The following RPS6KA2 variants were observed in gnomAD, a reference collection of about 807,000 sequenced individuals.
The protein encoded by RPS6KA2 is ribosomal protein S6 kinase alpha-2.
Under a neutral mutation model 91.8 loss-of-function variants are expected in RPS6KA2, and 42 were observed. The ratio of observed to expected loss-of-function variants is 0.46; its 90% CI spans 0.36 to 0.59. The LOEUF (loss-of-function observed/expected upper bound fraction) is 0.59, where lower values mean the gene tolerates loss of function less well. Among genes scored for constraint, RPS6KA2 ranks in the 20% least tolerant of loss-of-function variants. RPS6KA2 has a pLI of 0.00. For synonymous variants in RPS6KA2, 414 were observed against 393.6 expected (o/e 1.05, Z -0.61); for missense variants, 798 against 978.5 (o/e 0.82, Z 2.46).
At chr6:166,680,457 T>C (rs980378034) in intron 2 of RPS6KA2, among the ~76,000 whole-genome samples, 1 of 152,082 alleles carries the variant, frequency 6.6e-6, no homozygotes, top group African/African-American at 2.4e-5. Context: ...CCCTTCCACG[T>C]TGTGGAAGGT....
chr6:166,454,528 G>A (rs552899764), intron 12 of RPS6KA2, among the ~76,000 whole-genome samples: 3 of 151,816 alleles, frequency 2.0e-5, no homozygotes, highest in Non-Finnish European at 2.9e-5. Context: ...ACAAGCAAAC[G>A]AAAAAATCCC....
In RPS6KA2 at chr6:166,732,788, G is replaced by C. The variant is rs973156342; in HGVS notation, c.123+125412C>G. Among the ~76,000 whole-genome samples, 1 of 152,180 alleles carries C rather than the reference G, an allele frequency of 6.6e-6. No homozygotes were observed. Among genetic ancestry groups the C allele is most frequent in the Non-Finnish European group, 1.5e-5 (1 of 68,044 alleles). On this transcript the variant is annotated intron_variant, in intron 2 of 21. Transcript: ENST00000503859. The surrounding 1 kb of genome is among the most constrained non-coding windows in gnomAD (Gnocchi z 4.0). ...TTCCTACCAGAGGTGATGACAGGGGGATGACAGGGGGAGCTGTGAAGGCCA... is the reference window on the plus strand; with the variant it reads ...TTCCTACCAGAGGTGATGACAGGGGCATGACAGGGGGAGCTGTGAAGGCCA...
chr6:166,605,181 C>G (rs775875652), intron 1 of RPS6KA2, among the ~76,000 whole-genome samples: 2 of 152,194 alleles, frequency 1.3e-5, no homozygotes, highest in Non-Finnish European at 2.9e-5. Flanking sequence ...CCCCCAAGGG[C>G]CTTGGGTGTT....
At chr6:166,735,604 G>T (rs1790653084) in intron 2 of RPS6KA2, among the ~76,000 whole-genome samples, 1 of 152,198 alleles carries the variant, frequency 6.6e-6, no homozygotes, top group Admixed American at 6.5e-5. Context: ...ATGGGAGATG[G>T]TGACAGATCA....
At chr6:166,757,371 C>A (rs1043926761) in intron 2 of RPS6KA2, among the ~76,000 whole-genome samples, 1 of 152,192 alleles carries the variant, frequency 6.6e-6, no homozygotes, top group African/African-American at 2.4e-5. Flanking sequence ...CTTGGCACCG[C>A]TCCGAGACCT....
At chr6:166,683,051 C>A (rs1198857635) in intron 2 of RPS6KA2, among the ~76,000 whole-genome samples, 1 of 152,206 alleles carries the variant, frequency 6.6e-6, no homozygotes, top group Non-Finnish European at 1.5e-5. Context: ...TCGCCGCTTG[C>A]CCTCGGTGAA....
chr6:166,624,982 C>T (rs561446565), intron 1 of RPS6KA2, among the ~76,000 whole-genome samples: 2 of 152,124 alleles, frequency 1.3e-5, no homozygotes, highest in South Asian at 4.2e-4. Flanking sequence ...TACAGGCACG[C>T]GCCACCATGC....
chr6:166,455,318 C>T (rs1156303978), intron 12 of RPS6KA2, among the ~76,000 whole-genome samples: 1 of 152,186 alleles, frequency 6.6e-6, no homozygotes, highest in African/African-American at 2.4e-5. Flanking sequence ...GGCCCCACGC[C>T]GCGTGGGCCT....
Position 166,411,285 on chromosome 6 carries a change from C to T in RPS6KA2, c.*1477G>A, listed in dbSNP as rs1337398395. On this transcript the variant is annotated 3_prime_UTR_variant, in exon 21 of 21. Transcript: ENST00000265678. The surrounding 1 kb of genome is among the most constrained non-coding windows in gnomAD (Gnocchi z 4.5). ...GGAACAAAACCCAACAAAATAACAT[C>T]TTCTTAGGGAAAACCTGGCTGTGGC... The T allele has an allele frequency of 3.3e-5, 5 of 151,848 alleles. No homozygotes were observed. The highest frequency in any genetic ancestry group is 5.9e-5 in the Non-Finnish European group (4 of 67,976). 9.4% of individuals were successfully genotyped at this position (151,848 alleles called of 1,614,324 possible). A position where few individuals can be genotyped will look rare whatever the true frequency, so the allele number is the denominator to read the frequency against.
intron 2 of RPS6KA2, among the ~76,000 whole-genome samples, chr6:166,679,717 C>A (rs1326153051): frequency 1.3e-5 from 2 of 152,200 alleles, no homozygotes; most frequent in East Asian, 1.9e-4. Context: ...TGGGGCTGGC[C>A]GAGGCCGGAG....
chr6:166,443,267 G>C (rs532301223), intron 14 of RPS6KA2, among the ~76,000 whole-genome samples: 6 of 152,196 alleles, frequency 3.9e-5, no homozygotes, highest in African/African-American at 1.2e-4. Flanking sequence ...GTCTGAAAAG[G>C]GGGGCACTCA....
intron 19 of RPS6KA2, among the ~76,000 whole-genome samples, chr6:166,416,237 C>A: frequency 6.6e-6 from 1 of 151,052 alleles, no homozygotes; most frequent in African/African-American, 2.4e-5. Flanking sequence ...TCACCACCAC[C>A]TCCACCATCA....
In RPS6KA2 at chr6:166,828,800, GCAA is replaced by G. The variant is rs71853080; in HGVS notation, c.123+29397_123+29399del. ...CTTGGATATGACGTCAAAGGCACAG[GCAA>G]CAACAACAAAAAATAGATAAATCAG... On this transcript the variant is annotated intron_variant, in intron 2 of 21. Transcript: ENST00000503859. Among the ~76,000 whole-genome samples, 603 of 152,176 alleles carry G rather than the reference GCAA, an allele frequency of 4.0e-3. 7 individuals are homozygous for G. Among genetic ancestry groups the G allele is most frequent in the African/African-American group, 0.013 (559 of 41,490 alleles).
At chr6:166,424,380 G>A (rs1430767646) in intron 16 of RPS6KA2, among the ~76,000 whole-genome samples, 1 of 152,216 alleles carries the variant, frequency 6.6e-6, no homozygotes, top group Admixed American at 6.5e-5. Flanking sequence ...CCAGTGTGTG[G>A]TCCTGGAAGA....
chr6:166,432,994 C>CAAAA (rs397728789), intron 14 of RPS6KA2, among the ~76,000 whole-genome samples: 17 of 82,762 alleles, frequency 2.1e-4, no homozygotes, highest in East Asian at 1.8e-3. Flanking sequence ...GACTCTGTCT[C>CAAAA]AAAAAAAAAA....
intron 12 of RPS6KA2, among the ~76,000 whole-genome samples, chr6:166,453,624 C>T (rs866170305): frequency 6.6e-6 from 1 of 152,180 alleles, no homozygotes; most frequent in African/African-American, 2.4e-5. Context: ...ATTAGTACAA[C>T]CTCCATGAAA....
At chr6:166,839,569 G>A (rs959913880) in intron 2 of RPS6KA2, among the ~76,000 whole-genome samples, 3 of 149,308 alleles carry the variant, frequency 2.0e-5, no homozygotes, top group Non-Finnish European at 3.0e-5. Flanking sequence ...AAATGGACTC[G>A]CTTCTTGTTT....
chr6:166,450,018 G>C (rs1327163047), intron 13 of RPS6KA2, among the ~76,000 whole-genome samples: 13 of 149,746 alleles, frequency 8.7e-5, no homozygotes, highest in African/African-American at 3.0e-4. Flanking sequence ...TGTCACCTAA[G>C]GGACCACCAC....
intron 1 of RPS6KA2, among the ~76,000 whole-genome samples, chr6:166,550,309 T>C (rs1247666531): frequency 2.6e-5 from 4 of 152,126 alleles, no homozygotes; most frequent in African/African-American, 4.8e-5. Context: ...TAATGGAAAG[T>C]TCAGGCAAAA....
Sources: gnomAD v4.1 joint callset for allele counts (sites outside exome capture counted in the v4.1 genomes callset) on GRCh38, gnomAD v4.1.1 for gene constraint, Gnocchi (gnomAD v3.1) non-coding constraint, MANE v1.5 for transcripts, NCBI Gene and HGNC (gene_info 2026-07-23, HGNC 2026-07-21) for gene names.